The following ELAVL4 variants were observed in gnomAD, a reference collection of about 807,000 sequenced individuals.
ELAVL4 encodes ELAV-like protein 4.
A neutral mutation model predicts 35.6 loss-of-function variants in ELAVL4; 1 was observed. The ratio of observed to expected loss-of-function variants is 0.03; its 90% CI spans 0.01 to 0.13. The LOEUF (loss-of-function observed/expected upper bound fraction) is 0.13. Among genes scored for constraint, ELAVL4 ranks in the 10% least tolerant of loss-of-function variants. The pLI, the probability that ELAVL4 is intolerant of heterozygous loss-of-function variation, is 1.00. For missense variants in ELAVL4, 267 were observed against 464.9 expected (o/e 0.57, Z 3.91); for synonymous variants, 156 against 171.0 (o/e 0.91, Z 0.69).
intron 1 of ELAVL4, among the ~76,000 whole-genome samples, chr1:50,126,048 T>C (rs1166952936): frequency 1.3e-5 from 2 of 152,076 alleles, no homozygotes; most frequent in Non-Finnish European, 2.9e-5. Context: ...AGGCATCTAA[T>C]AAAGGAAGAT....
chr1:50,102,992 C>T (rs1666070489), upstream of ELAVL4, among the ~76,000 whole-genome samples: 1 of 152,158 alleles, frequency 6.6e-6, no homozygotes, highest in Middle Eastern at 3.4e-3. Flanking sequence ...AGAAAGACAT[C>T]CTAGTGCTTT....
chr1:50,197,875 A>C (rs1644152134), intron 6 of ELAVL4, among the ~76,000 whole-genome samples: 1 of 152,252 alleles, frequency 6.6e-6, no homozygotes, highest in Admixed American at 6.5e-5. Flanking sequence ...AGCAAATCAG[A>C]ATTAGAACAT....
intron 1 of ELAVL4, among the ~76,000 whole-genome samples, chr1:50,071,295 G>C (rs533481003): frequency 1.2e-4 from 18 of 152,296 alleles, no homozygotes; most frequent in African/African-American, 3.1e-4. Flanking sequence ...ATGAGGGCAA[G>C]GATTTTGTCT....
chr1:50,056,156 G>A (rs1663657799), intron 1 of ELAVL4, among the ~76,000 whole-genome samples: 1 of 152,124 alleles, frequency 6.6e-6, no homozygotes, highest in Non-Finnish European at 1.5e-5. Context: ...AGGGTCATCT[G>A]GGAAGCAAAA....
chr1:50,086,792 G>T (rs1411419982), intron 1 of ELAVL4, among the ~76,000 whole-genome samples: 1 of 152,064 alleles, frequency 6.6e-6, no homozygotes, highest in East Asian at 1.9e-4. Context: ...ATTGGAGCTA[G>T]TGTTCTTTGT....
At chr1:50,148,872 G>T (rs1490561373) in intron 2 of ELAVL4, among the ~76,000 whole-genome samples, 1 of 152,082 alleles carries the variant, frequency 6.6e-6, no homozygotes, top group Non-Finnish European at 1.5e-5. Flanking sequence ...TTTTGGTTTT[G>T]TTTTGTAAAC....
rs746028597 is a variant in ELAVL4 at position 50,094,253 on chromosome 1, CTA to C, written c.18+46073_18+46074del. The stretch of plus-strand genomic sequence containing the variant: ...AGTGGGACAGACATGCAAAAGAAGA[CTA>C]TGAATCTACATACATTTATGTCATA... On this transcript the variant is annotated intron_variant, in intron 1 of 6. Transcript: ENST00000448907. Among the ~76,000 whole-genome samples the C allele has an allele frequency of 2.2e-3, 337 of 152,300 alleles. 2 individuals are homozygous for C. Among genetic ancestry groups the C allele is most frequent in the Non-Finnish European group, 3.4e-3 (234 of 68,022 alleles).
intron 2 of ELAVL4, among the ~76,000 whole-genome samples, chr1:50,163,485 T>C (rs890350608): frequency 4.6e-5 from 7 of 152,128 alleles, no homozygotes; most frequent in African/African-American, 1.7e-4. Context: ...TTGGGATATA[T>C]ATTGGAATTA....
At chr1:50,093,566 T>C (rs1053467238) in intron 1 of ELAVL4, among the ~76,000 whole-genome samples, 3 of 152,230 alleles carry the variant, frequency 2.0e-5, no homozygotes, top group African/African-American at 7.2e-5. Flanking sequence ...TTTATGCCTG[T>C]TGTCTTGTTG....
chr1:50,102,854 A>C (rs1666062893), upstream of ELAVL4, among the ~76,000 whole-genome samples: 2 of 152,322 alleles, frequency 1.3e-5, no homozygotes, highest in South Asian at 4.1e-4. Context: ...TATGATGAAG[A>C]ATATATCAGG....
At chr1:50,128,371 C>T (rs1670300325) in intron 1 of ELAVL4, among the ~76,000 whole-genome samples, 1 of 152,080 alleles carries the variant, frequency 6.6e-6, no homozygotes, top group Non-Finnish European at 1.5e-5. Context: ...ATGGTGAGAG[C>T]AAAGTGGTGA....
intron 2 of ELAVL4, 89 bp downstream of exon 2, chr1:50,145,286 A>G: frequency 5.1e-6 from 8 of 1,571,542 alleles, no homozygotes; most frequent in Non-Finnish European, 6.1e-6. Flanking sequence ...CTGAATGTCT[A>G]TATCATGTAC....
intron 4 of ELAVL4, among the ~76,000 whole-genome samples, chr1:50,194,791 G>C (rs935636048): frequency 2.6e-5 from 4 of 152,198 alleles, no homozygotes; most frequent in Non-Finnish European, 5.9e-5. Context: ...CCATTGAGGA[G>C]GCAATGTTTG....
At chr1:50,186,500 G>C (rs1367017613) in intron 3 of ELAVL4, among the ~76,000 whole-genome samples, 1 of 152,164 alleles carries the variant, frequency 6.6e-6, no homozygotes, top group African/African-American at 2.4e-5. Context: ...TGTATCTTCT[G>C]TGGAGTCAAA....
chr1:50,100,744 C>A (rs1174157237), upstream of ELAVL4, among the ~76,000 whole-genome samples: 2 of 152,224 alleles, frequency 1.3e-5, no homozygotes, highest in African/African-American at 2.4e-5. Context: ...TAGCACTGAA[C>A]TTTGCTCACA....
intron 1 of ELAVL4, among the ~76,000 whole-genome samples, chr1:50,064,385 C>A (rs1477023222): frequency 6.6e-6 from 1 of 152,028 alleles, no homozygotes; most frequent in Non-Finnish European, 1.5e-5. Context: ...TGCTTCTTGG[C>A]CCTTTTCTCT....
In ELAVL4 at chr1:50,177,897, G is replaced by A. The variant is rs1239960426; in HGVS notation, c.354+705G>A. On this transcript the variant is annotated intron_variant, in intron 3 of 6. Coordinates refer to ENST00000371824, the MANE Select transcript of ELAVL4 (RefSeq NM_001144774.3). Reference sequence around the variant, plus strand: ...AATATCTCAGGAAGGGTTGTTTTAAGTCAAAAAAGAAAAACAGTAACCCAG... The same window carrying A: ...AATATCTCAGGAAGGGTTGTTTTAAATCAAAAAAGAAAAACAGTAACCCAG... Among the ~76,000 whole-genome samples the A allele has an allele frequency of 2.6e-5, 4 of 152,304 alleles. No individual in the cohort carries two copies. The South Asian group carries it at 6.2e-4, about 24-fold the overall frequency.
At chr1:50,055,275 T>G (rs1053114043) in intron 1 of ELAVL4, among the ~76,000 whole-genome samples, 4 of 141,178 alleles carry the variant, frequency 2.8e-5, no homozygotes, top group Non-Finnish European at 4.7e-5. Flanking sequence ...ATTTGTTTTG[T>G]TTTTTTTTTG....
intron 3 of ELAVL4, among the ~76,000 whole-genome samples, chr1:50,192,566 C>G (rs950351532): frequency 6.6e-6 from 1 of 151,532 alleles, no homozygotes; most frequent in African/African-American, 2.4e-5. Flanking sequence ...CACACACACT[C>G]TCACCCCTAC....
Sources: allele counts gnomAD v4.1 joint callset (sites outside exome capture counted in the v4.1 genomes callset), GRCh38; gene constraint gnomAD v4.1.1; transcripts MANE v1.5; gene names NCBI Gene and HGNC (gene_info 2026-07-23, HGNC 2026-07-21).